Variants in RNF17 observed in about 807,000 individuals in gnomAD.
RNF17 encodes spermatogenesis associated 23.
RNF17 carries 31 observed loss-of-function variants against 200.5 expected under a neutral mutation model. That is an observed-to-expected ratio of 0.15 (90% CI 0.12 to 0.21). The LOEUF (loss-of-function observed/expected upper bound fraction) is 0.21, where lower values mean the gene tolerates loss of function less well. Among genes scored for constraint, RNF17 ranks in the 10% least tolerant of loss-of-function variants. The pLI is 1.00. For missense variants in RNF17, 1,628 were observed against 1,905.1 expected (o/e 0.85, Z 2.71); for synonymous variants, 606 against 637.8 (o/e 0.95, Z 0.75).
chr13:24,765,240 C>T (rs1403484497), intron 1 of RNF17, among the ~76,000 whole-genome samples: 1 of 152,154 alleles, frequency 6.6e-6, no homozygotes, highest in Non-Finnish European at 1.5e-5. Context: ...TGGTCTCGAT[C>T]TCCTGACCTC....
intron 15 of RNF17, among the ~76,000 whole-genome samples, chr13:24,823,074 CT>C (rs1888252757): frequency 6.6e-6 from 1 of 151,940 alleles, no homozygotes; most frequent in African/African-American, 2.4e-5. Context: ...GAGTTGTGTT[CT>C]TTTTTTAAAA....
At chr13:24,847,436 C>T (rs534422472) in intron 22 of RNF17, among the ~76,000 whole-genome samples, 69 of 151,740 alleles carry the variant, frequency 4.5e-4, no homozygotes, top group South Asian at 3.5e-3. Flanking sequence ...ACCTTTGCCT[C>T]CCAGATTCAA....
At chr13:24,843,716 C>G (rs751536574) in intron 19 of RNF17, 28 bp from the exon 20 acceptor site, 7 of 1,354,664 alleles carry the variant, frequency 5.2e-6, no homozygotes, top group African/African-American at 1.4e-5. Flanking sequence ...GCATACAGTT[C>G]TTTTCATTAA....
intron 30 of RNF17, among the ~76,000 whole-genome samples, chr13:24,867,874 AT>A (rs34156563): frequency 0.42 from 63,069 of 148,770 alleles, 13,144 homozygotes; most frequent in Admixed American, 0.46. Flanking sequence ...TTCATGCATT[AT>A]TTTAGTTTTT....
chr13:24,851,707 C>A lies in RNF17; in HGVS notation c.3320+136C>A, dbSNP rs1042103616. The A allele has an allele frequency of 1.7e-5, 10 of 585,986 alleles. No individual in the cohort carries two copies. The African/African-American group carries it at 1.9e-4, about 11-fold the overall frequency. The allele number at this position is 585,986 out of a possible 1,614,324, so 36.3% of individuals were successfully genotyped here. A position where few individuals can be genotyped will look rare whatever the true frequency, so the allele number is the denominator to read the frequency against. ...AGATTTATAAGCTGACCCTGAGGAG[C>A]CAGCTCAGAAATAGATTCCTTCAGA... is the stretch of plus-strand genomic sequence containing the variant. On this transcript the variant is annotated intron_variant, in intron 24 of 35. Transcript: ENST00000255324.
At chr13:24,764,888 G>GGGGTGT (rs899352115) in intron 1 of RNF17, among the ~76,000 whole-genome samples, 4,520 of 134,014 alleles carry the variant, frequency 0.034, 111 homozygotes, top group Admixed American at 0.074. Context: ...CACCTTGTGG[G>GGGGTGT]GTGTGTGTGT....
At chr13:24,834,879 A>C (rs1056978863) in intron 18 of RNF17, among the ~76,000 whole-genome samples, 6 of 152,162 alleles carry the variant, frequency 3.9e-5, no homozygotes, top group African/African-American at 1.4e-4. Flanking sequence ...CAGGCAGGGG[A>C]AGAACCAAGC....
At chr13:24,868,878 G>C (rs1455214723) in intron 31 of RNF17, among the ~76,000 whole-genome samples, 162 bp downstream of exon 31, 1 of 152,166 alleles carries the variant, frequency 6.6e-6, no homozygotes, top group African/African-American at 2.4e-5. Context: ...TCAGATATTT[G>C]TCAATGTTTA....
At chr13:24,868,808 C>T in intron 31 of RNF17, 92 bp downstream of exon 31, 1 of 741,046 alleles carries the variant, frequency 1.3e-6, no homozygotes, top group Admixed American at 2.3e-5. Flanking sequence ...TCTCTATTTT[C>T]CTGATTTCAA....
chr13:24,827,311 CCTAATATAT>C (rs1888786609), intron 16 of RNF17, among the ~76,000 whole-genome samples: 1 of 151,938 alleles, frequency 6.6e-6, no homozygotes, highest in Admixed American at 6.6e-5. Context: ...ACAAATTATT[CCTAATATAT>C]AATCAGTTCT....
At chr13:24,876,153 C>T (rs1894830883) in intron 33 of RNF17, among the ~76,000 whole-genome samples, 1 of 152,186 alleles carries the variant, frequency 6.6e-6, no homozygotes, top group African/African-American at 2.4e-5. Flanking sequence ...ACCCTCAGTT[C>T]TTAAGGGATG....
In RNF17 at chr13:24,844,089, A is replaced by T. The variant is rs553741200; in HGVS notation, c.2831+118A>T. 4.0e-5 allele frequency: 15 copies of T among 371,822 alleles called. No individual in the cohort carries two copies. The South Asian group carries it at 1.8e-3, about 46-fold the overall frequency. The allele number at this position is 371,822 out of a possible 1,614,324, so 23.0% of individuals were successfully genotyped here. ...TTTACTAGCAAAATTATTTTAACTAAGTAGTCTCAGCTAGTTAGAAGTATG... is the reference window on the plus strand; with the variant it reads ...TTTACTAGCAAAATTATTTTAACTATGTAGTCTCAGCTAGTTAGAAGTATG... On this transcript the variant is annotated intron_variant, in intron 20 of 35. Transcript: ENST00000255324.
chr13:24,875,784 A>C (rs1466691874), intron 33 of RNF17, among the ~76,000 whole-genome samples: 1 of 152,224 alleles, frequency 6.6e-6, no homozygotes, highest in Non-Finnish European at 1.5e-5. Context: ...TCACGGCAAC[A>C]ATTTTTTTAC....
rs368663578 is a variant in RNF17, at chr13:24,781,869, C to T, written c.536C>T (p.Thr179Met). The T allele has an allele frequency of 1.9e-5, 30 of 1,609,328 alleles. No individual in the cohort carries two copies. The highest frequency in any genetic ancestry group is 3.4e-5 in the Admixed American group (2 of 59,296). ...GCACTTGAACACATGCAGAAGCAAA[C>T]GATAGAGGAAAGAGAAAGAGTTATA... The part of the protein sequence containing the change: ...GKALEHMQKQ[T>M]IEERERVIEV... The change falls in exon 6 of 36, where the codon ACG (threonine) becomes ATG (methionine). Residue 179 changes from threonine (T) to methionine (M), a missense_variant. Physicochemically the swap from Thr to Met is moderately conservative, Grantham distance 81 (BLOSUM62 -1). Coordinates refer to ENST00000255324, the MANE Select transcript of RNF17 (RefSeq NM_031277.3).
At chr13:24,880,317 G>A (rs906034328), downstream of RNF17, among the ~76,000 whole-genome samples, 26 of 152,194 alleles carry the variant, frequency 1.7e-4, no homozygotes, top group African/African-American at 6.0e-4. Flanking sequence ...GAACAGCCTG[G>A]GGAAACCACC....
At position 24,861,285 on chromosome 13, in the gene RNF17, T is replaced by C. The variant is rs1296124880; in HGVS notation, c.3792T>C (p.His1264=). Residue 1264 remains histidine (H), a synonymous_variant, in exon 27 of 36, where the codon CAT becomes CAC. Transcript: ENST00000255324. ...TGTTTCAGGTACAATATTTAGATCA[T>C]GGATTCACTGAAAAGATTCCGCAGT... is the stretch of plus-strand genomic sequence containing the variant. ...GGAVRVQYLD[H]GFTEKIPQCH... is the part of the protein sequence containing the mutation. 2 of 1,595,162 alleles carry C rather than the reference T, an allele frequency of 1.3e-6. No individual in the cohort carries two copies. Among genetic ancestry groups the C allele is most frequent in the South Asian group, 1.1e-5 (1 of 89,054 alleles).
At chr13:24,853,199 C>T (rs1274056410) in intron 24 of RNF17, among the ~76,000 whole-genome samples, 2 of 152,190 alleles carry the variant, frequency 1.3e-5, no homozygotes, top group East Asian at 3.8e-4. Context: ...TAGGCGTGAG[C>T]CACCATGCCC....
At position 24,815,971 on chromosome 13, in the gene RNF17, G is replaced by A. The variant is rs376652429; in HGVS notation, c.2092-9648G>A. 7.2e-5 allele frequency among the ~76,000 whole-genome samples: 11 copies of A among 152,070 alleles called. 1 individual carries two copies. In the South Asian group the frequency reaches 1.9e-3, roughly 26 times the overall value. The stretch of plus-strand genomic sequence containing the variant: ...ATGCAGTAGCATGATCTCAGCTCAC[G>A]GCAACATTTGCCTCCCAGACTCAAG... On this transcript the variant is annotated intron_variant, in intron 15 of 35. Coordinates refer to ENST00000255324, the MANE Select transcript of RNF17 (RefSeq NM_031277.3).
chr13:24,794,238 A>C (rs1416072682), intron 10 of RNF17: 3 of 456,466 alleles, frequency 6.6e-6, no homozygotes, highest in African/African-American at 6.0e-5. Context: ...TTTTGGATCA[A>C]AAGCAGATAC....
Sources: allele counts gnomAD v4.1 joint callset (sites outside exome capture counted in the v4.1 genomes callset), GRCh38; gene constraint gnomAD v4.1.1; transcripts MANE v1.5; gene names NCBI Gene and HGNC (gene_info 2026-07-23, HGNC 2026-07-21).